Variants in PRKCA observed in about 807,000 individuals in gnomAD.
The protein encoded by PRKCA is protein kinase C alpha type.
PRKCA carries 27 observed loss-of-function variants against 87.0 expected under a neutral mutation model. The ratio of observed to expected loss-of-function variants is 0.31; its 90% confidence interval spans 0.23 to 0.43. The LOEUF (loss-of-function observed/expected upper bound fraction) is 0.43. Among genes scored for constraint, PRKCA ranks in the 20% least tolerant of loss-of-function variants. The pLI is 1.00. For synonymous variants in PRKCA, 329 were observed against 311.1 expected (o/e 1.06, Z -0.61); for missense variants, 518 against 852.3 (o/e 0.61, Z 4.88).
At chr17:66,714,555 A>T (rs1973425679) in intron 8 of PRKCA, among the ~76,000 whole-genome samples, 2 of 151,908 alleles carry the variant, frequency 1.3e-5, no homozygotes, top group Admixed American at 1.3e-4. Context: ...CTGGAATGGA[A>T]ATTTGTCTTC....
intron 2 of PRKCA, among the ~76,000 whole-genome samples, chr17:66,361,110 C>T (rs1908362514): frequency 6.6e-6 from 1 of 151,864 alleles, no homozygotes; most frequent in Non-Finnish European, 1.5e-5. Flanking sequence ...GCTGAGCTGG[C>T]TTCAGGGCAG....
At chr17:66,332,634 T>G (rs1906405019) in intron 2 of PRKCA, among the ~76,000 whole-genome samples, 1 of 152,130 alleles carries the variant, frequency 6.6e-6, no homozygotes. Flanking sequence ...ATCATCCACA[T>G]TAGGTCCATT....
chr17:66,765,418 C>CTCTA (rs1555646685), intron 13 of PRKCA, among the ~76,000 whole-genome samples: 1 of 49,310 alleles, frequency 2.0e-5, no homozygotes, highest in African/African-American at 7.5e-5. Flanking sequence ...AAGACTTTGT[C>CTCTA]TATATATATA....
At chr17:66,516,431 G>A (rs1273645488) in intron 3 of PRKCA, among the ~76,000 whole-genome samples, 3 of 152,094 alleles carry the variant, frequency 2.0e-5, no homozygotes, top group Admixed American at 6.5e-5. Context: ...TCAGGGGTTC[G>A]AGACGAGCCT....
At chr17:66,426,515 G>A (rs1188078478) in intron 2 of PRKCA, among the ~76,000 whole-genome samples, 2 of 152,192 alleles carry the variant, frequency 1.3e-5, no homozygotes, top group Admixed American at 1.3e-4. Context: ...AAAGATTTGG[G>A]TGGTTGCAGA....
At chr17:66,473,828 G>A (rs1598702583) in intron 2 of PRKCA, among the ~76,000 whole-genome samples, 1 of 152,112 alleles carries the variant, frequency 6.6e-6, no homozygotes, top group East Asian at 1.9e-4. Flanking sequence ...TAGCTACTCG[G>A]GAGGCTGAGG....
At chr17:66,764,772 C>T (rs1189633053) in intron 13 of PRKCA, among the ~76,000 whole-genome samples, 2 of 152,206 alleles carry the variant, frequency 1.3e-5, no homozygotes, top group Non-Finnish European at 2.9e-5. Context: ...ACCAGATTGG[C>T]GTCACAGCCC....
rs138081086 is a variant in PRKCA, at chr17:66,686,778, G to T, written c.530-333G>T. The stretch of plus-strand genomic sequence containing the variant: ...GCTGCAAAGGTCACCTGGGAATCTT[G>T]TTAAATTACAGATTCTGCTTTGGCA... On this transcript the variant is annotated intron_variant, in intron 5 of 16. Coordinates refer to ENST00000413366, the MANE Select transcript of PRKCA (RefSeq NM_002737.3). Among the ~76,000 whole-genome samples the T allele has an allele frequency of 5.2e-3, 790 of 152,262 alleles. 10 individuals are homozygous for T. Among genetic ancestry groups the T allele is most frequent in the African/African-American group, 0.018 (762 of 41,548 alleles).
intron 2 of PRKCA, among the ~76,000 whole-genome samples, chr17:66,381,703 C>T (rs1398606489): frequency 6.6e-6 from 1 of 152,178 alleles, no homozygotes; most frequent in Non-Finnish European, 1.5e-5. Flanking sequence ...AATAGACCAT[C>T]CCCACTGTCT....
chr17:66,701,733 G>A (rs896622172), intron 8 of PRKCA, among the ~76,000 whole-genome samples: 1 of 152,080 alleles, frequency 6.6e-6, no homozygotes, highest in Non-Finnish European at 1.5e-5. Context: ...TTGCTTATCA[G>A]GGAAATTTAA....
chr17:66,534,068 C>T (rs913050615), intron 3 of PRKCA, among the ~76,000 whole-genome samples: 1 of 150,802 alleles, frequency 6.6e-6, no homozygotes, highest in African/African-American at 2.4e-5. Context: ...TGCTGCCCCC[C>T]GCACCCCCCC....
intron 3 of PRKCA, among the ~76,000 whole-genome samples, chr17:66,532,577 T>C (rs1013782515): frequency 1.3e-5 from 2 of 151,984 alleles, no homozygotes; most frequent in Non-Finnish European, 2.9e-5. Flanking sequence ...CAGGCTGGTC[T>C]TGAACTCCTG....
chr17:66,650,290 CT>C (rs1971557490), intron 5 of PRKCA, among the ~76,000 whole-genome samples: 1 of 151,988 alleles, frequency 6.6e-6, no homozygotes, highest in Non-Finnish European at 1.5e-5. Flanking sequence ...AAGCCCCGAG[CT>C]TTGGTGGTGT....
intron 13 of PRKCA, among the ~76,000 whole-genome samples, chr17:66,757,977 A>G (rs1000182661): frequency 1.3e-5 from 2 of 152,218 alleles, no homozygotes; most frequent in Non-Finnish European, 2.9e-5. Flanking sequence ...CACCCGCATC[A>G]GCCTTCCAAA....
intron 3 of PRKCA, among the ~76,000 whole-genome samples, chr17:66,566,825 C>T (rs538701488): frequency 3.3e-5 from 5 of 152,126 alleles, no homozygotes; most frequent in East Asian, 1.9e-4. Context: ...ACACAGCCTC[C>T]GAGTAAGTCC....
At chr17:66,650,802 C>T (rs55973209) in intron 5 of PRKCA, among the ~76,000 whole-genome samples, 95,359 of 152,034 alleles carry the variant, frequency 0.63, 30,008 homozygotes, top group African/African-American at 0.7. Flanking sequence ...TTCCACCTTA[C>T]CATGGTGTAT....
At chr17:66,704,991 G>A (rs16960070) in intron 8 of PRKCA, among the ~76,000 whole-genome samples, 21,852 of 152,134 alleles carry the variant, frequency 0.14, 1,782 homozygotes, top group East Asian at 0.28. Context: ...GAGACCCTCA[G>A]ATAAATTGTA....
chr17:66,640,787 A>T (rs1367517120), intron 3 of PRKCA, among the ~76,000 whole-genome samples: 1 of 152,196 alleles, frequency 6.6e-6, no homozygotes, highest in East Asian at 1.9e-4. Flanking sequence ...ATAGCTCCAG[A>T]AGTAATAGCT....
intron 16 of PRKCA, among the ~76,000 whole-genome samples, chr17:66,797,219 A>T (rs1975690807): frequency 2.0e-5 from 3 of 152,190 alleles, no homozygotes; most frequent in Non-Finnish European, 4.4e-5. Flanking sequence ...ACAGAATGAA[A>T]GGGGCTGTGA....
Sources: gnomAD v4.1 joint callset for allele counts (sites outside exome capture counted in the v4.1 genomes callset) on GRCh38, gnomAD v4.1.1 for gene constraint, MANE v1.5 for transcripts, NCBI Gene and HGNC (gene_info 2026-07-23, HGNC 2026-07-21) for gene names.